Variants in MAP3K13 observed in about 807,000 individuals in gnomAD.
The protein encoded by MAP3K13 is leucine zipper-bearing kinase.
A neutral mutation model predicts 104.0 loss-of-function variants in MAP3K13; 52 were observed. That is an observed-to-expected ratio of 0.50 (90% CI 0.40 to 0.63). MAP3K13 has a LOEUF of 0.63. Among genes scored for constraint, MAP3K13 ranks in the 20% least tolerant of loss-of-function variants. The pLI is 0.00. For synonymous variants in MAP3K13, 394 were observed against 442.2 expected (o/e 0.89, Z 1.37); for missense variants, 914 against 1,218.5 (o/e 0.75, Z 3.72).
chr3:185,333,374 A>G (rs1722352702), intron 2 of MAP3K13, among the ~76,000 whole-genome samples: 1 of 152,224 alleles, frequency 6.6e-6, no homozygotes, highest in Admixed American at 6.5e-5. Context: ...GTATAGGGCT[A>G]GTATGATAAG....
chr3:185,286,650 C>T lies in MAP3K13; in HGVS notation c.-86+1007C>T, dbSNP rs138834901. Among the ~76,000 whole-genome samples the T allele has an allele frequency of 3.9e-5, 6 of 152,186 alleles. No individual in the cohort carries two copies. The East Asian group carries it at 1.2e-3, about 29-fold the overall frequency. ...AAAAATCTCTAATATACCTTATTAA[C>T]TGGGAAAACAATAAAAAGAACTTTA... On this transcript the variant is annotated intron_variant, in intron 2 of 14. Transcript: ENST00000424227.
intron 2 of MAP3K13, among the ~76,000 whole-genome samples, chr3:185,334,816 C>G (rs1722418624): frequency 1.3e-5 from 2 of 152,030 alleles, no homozygotes; most frequent in Non-Finnish European, 2.9e-5. Context: ...ACCATGTTGG[C>G]CAGGCTAGTC....
intron 1 of MAP3K13, among the ~76,000 whole-genome samples, chr3:185,371,139 A>G (rs557398507): frequency 6.6e-6 from 1 of 152,238 alleles, no homozygotes; most frequent in Admixed American, 6.5e-5. Flanking sequence ...GGTATTTTAA[A>G]TTTGTAGATT....
Position 185,435,578 on chromosome 3 carries a change from A to G in MAP3K13, c.476-1869A>G, listed in dbSNP as rs142053199. Among the ~76,000 whole-genome samples the G allele has an allele frequency of 2.6e-5, 4 of 152,238 alleles. No homozygotes were observed. In the East Asian group the frequency reaches 7.7e-4, roughly 29 times the overall value. On this transcript the variant is annotated intron_variant, in intron 2 of 13. Transcript: ENST00000265026. ...AATTTGTCAGCTATTTGTATTTGAGAGAGATTTGCTTTTATCTAGCATTTA... is the reference window on the plus strand; with the variant it reads ...AATTTGTCAGCTATTTGTATTTGAGGGAGATTTGCTTTTATCTAGCATTTA...
At position 185,437,623 on chromosome 3, in the gene MAP3K13, G is replaced by A. The variant is rs140970208; in HGVS notation, c.652G>A (p.Ala218Thr). ...GAAGTTGAAGCACCCTAACATCATCGCATTCAAGTAGGTCAAGGCTTTTTT... is the reference window on the plus strand; with the variant it reads ...GAAGTTGAAGCACCCTAACATCATCACATTCAAGTAGGTCAAGGCTTTTTT... ...LRKLKHPNII[A>T]FKGVCTQAPC... The change falls in exon 3 of 14, where the codon GCA (alanine) becomes ACA (threonine). Residue 218 changes from alanine to threonine, a missense_variant. By Grantham distance (58) the Ala-to-Thr change is moderately conservative. Coordinates refer to ENST00000265026, the MANE Select transcript of MAP3K13 (RefSeq NM_004721.5). 8.2e-6 allele frequency: 13 copies of A among 1,583,966 alleles called. No individual in the cohort carries two copies. The highest frequency in any genetic ancestry group is 7.1e-5 in the African/African-American group (5 of 70,200).
chr3:185,467,646 G>A (rs1319703931), intron 10 of MAP3K13, among the ~76,000 whole-genome samples: 1 of 152,046 alleles, frequency 6.6e-6, no homozygotes, highest in African/African-American at 2.4e-5. Context: ...ATCTGGGCGT[G>A]GTGGCACGTG....
intron 1 of MAP3K13, among the ~76,000 whole-genome samples, chr3:185,396,869 T>G (rs949767360): frequency 6.6e-6 from 1 of 152,192 alleles, no homozygotes; most frequent in Non-Finnish European, 1.5e-5. Context: ...TGCTGGGTGT[T>G]GTGTTTGCAG....
At chr3:185,361,096 A>ATGTGTGTGTG (rs1378977342), upstream of MAP3K13, among the ~76,000 whole-genome samples, 6 of 56,268 alleles carry the variant, frequency 1.1e-4, no homozygotes, top group African/African-American at 2.4e-4. Flanking sequence ...GTATATATAT[A>ATGTGTGTGTG]TATGTGTGTG....
chr3:185,356,413 T>A (rs1723353513), intron 2 of MAP3K13, among the ~76,000 whole-genome samples: 1 of 152,204 alleles, frequency 6.6e-6, no homozygotes, highest in Non-Finnish European at 1.5e-5. Flanking sequence ...GAGGGAGGGA[T>A]TGATTGGCTT....
intron 2 of MAP3K13, chr3:185,291,875 A>C (rs1297228298): frequency 2.6e-5 from 30 of 1,172,032 alleles, no homozygotes; most frequent in Non-Finnish European, 3.2e-5. Context: ...ACGTTCCTTT[A>C]GACTAGAGCC....
At position 185,377,338 on chromosome 3, in the gene MAP3K13, G is replaced by T. The variant is rs573731083; in HGVS notation, c.-86+13970G>T. On this transcript the variant is annotated intron_variant, in intron 1 of 13. Coordinates refer to ENST00000265026, the MANE Select transcript of MAP3K13 (RefSeq NM_004721.5). The stretch of plus-strand genomic sequence containing the variant: ...ATTAGGTTTTAATGGGATGGTAAGG[G>T]GTGCATGATCGGTCACCAAGGAGGG... 3.3e-5 allele frequency among the ~76,000 whole-genome samples: 5 copies of T among 150,976 alleles called. No homozygotes were observed. In the East Asian group the frequency reaches 9.8e-4, roughly 30 times the overall value.
intron 1 of MAP3K13, among the ~76,000 whole-genome samples, chr3:185,401,090 C>T (rs1185453678): frequency 6.6e-6 from 1 of 152,112 alleles, no homozygotes; most frequent in Non-Finnish European, 1.5e-5. Flanking sequence ...GCAGGTAGTG[C>T]TGCCTCTTGC....
intron 7 of MAP3K13, among the ~76,000 whole-genome samples, chr3:185,455,748 T>TGATATATATATGA (rs1716648778): frequency 2.8e-5 from 1 of 35,814 alleles, no homozygotes; most frequent in African/African-American, 6.5e-5. Context: ...GATATATATA[T>TGATATATATATGA]GATATATATA....
At chr3:185,474,469 C>T (rs1717993175) in intron 11 of MAP3K13, among the ~76,000 whole-genome samples, 1 of 152,206 alleles carries the variant, frequency 6.6e-6, no homozygotes. Flanking sequence ...GCACAGTATT[C>T]TCTCATCCCC....
At chr3:185,388,349 A>G (rs1711827698) in intron 1 of MAP3K13, among the ~76,000 whole-genome samples, 2 of 152,038 alleles carry the variant, frequency 1.3e-5, no homozygotes. Flanking sequence ...AAAAAATACA[A>G]AAAGTAGCCG....
At chr3:185,370,650 C>G (rs908724746) in intron 1 of MAP3K13, among the ~76,000 whole-genome samples, 11 of 149,162 alleles carry the variant, frequency 7.4e-5, no homozygotes, top group Admixed American at 6.8e-4. Context: ...TCCTTATAAG[C>G]AGGAAATAGA....
intron 1 of MAP3K13, among the ~76,000 whole-genome samples, chr3:185,375,587 G>A (rs1322457465): frequency 6.6e-6 from 1 of 152,150 alleles, no homozygotes; most frequent in Non-Finnish European, 1.5e-5. Flanking sequence ...GAGATAGGTG[G>A]AAGTTTCAGC....
chr3:185,352,450 G>T (rs1180992552), intron 2 of MAP3K13, among the ~76,000 whole-genome samples: 1 of 142,886 alleles, frequency 7.0e-6, no homozygotes, highest in Non-Finnish European at 1.5e-5. Context: ...GTCTAAAAAA[G>T]AAAAAAAAAA....
chr3:185,454,883 G>C (rs527413264), intron 7 of MAP3K13, among the ~76,000 whole-genome samples: 4,066 of 21,688 alleles, frequency 0.19, 454 homozygotes, highest in Non-Finnish European at 0.3. Context: ...ATATATATAT[G>C]ATATATATAT....
Sources: gnomAD v4.1 joint callset for allele counts (sites outside exome capture counted in the v4.1 genomes callset) on GRCh38, gnomAD v4.1.1 for gene constraint, MANE v1.5 for transcripts, NCBI Gene and HGNC (gene_info 2026-07-23, HGNC 2026-07-21) for gene names.